Variants in NLGN1 observed in about 807,000 individuals in gnomAD.
NLGN1 encodes neuroligin-1.
Under a neutral mutation model 65.5 loss-of-function variants are expected in NLGN1, and 12 were observed. That is an observed-to-expected ratio of 0.18 (90% confidence interval 0.12 to 0.30). The LOEUF (loss-of-function observed/expected upper bound fraction) is 0.30. NLGN1 is among the 10% of genes least tolerant of loss of function. NLGN1 has a pLI of 1.00. For missense variants in NLGN1, 750 were observed against 1,007.1 expected (o/e 0.74, Z 3.46); for synonymous variants, 350 against 359.5 (o/e 0.97, Z 0.30).
intron 3 of NLGN1, among the ~76,000 whole-genome samples, chr3:173,730,687 C>T (rs1041766844): frequency 6.6e-6 from 1 of 151,912 alleles, no homozygotes; most frequent in Non-Finnish European, 1.5e-5. Context: ...TAATTCATAT[C>T]TTTTTTTCCT....
At chr3:173,877,783 T>C (rs555083549) in intron 4 of NLGN1, among the ~76,000 whole-genome samples, 18 of 152,238 alleles carry the variant, frequency 1.2e-4, no homozygotes, top group Non-Finnish European at 2.6e-4. Context: ...TAGCAGTATG[T>C]ACCAGGCATT....
chr3:174,149,872 A>G (rs547686962), intron 4 of NLGN1, among the ~76,000 whole-genome samples: 3 of 152,238 alleles, frequency 2.0e-5, no homozygotes, highest in African/African-American at 7.2e-5. Flanking sequence ...AAGGAAAACA[A>G]GCTGGATTAA....
intron 4 of NLGN1, among the ~76,000 whole-genome samples, chr3:174,053,569 G>T (rs1471945243): frequency 1.3e-5 from 2 of 151,870 alleles, no homozygotes; most frequent in Non-Finnish European, 2.9e-5. Flanking sequence ...GCTGGTATTT[G>T]GGAAAAGAGC....
At chr3:174,215,578 C>T (rs563674231) in intron 4 of NLGN1, among the ~76,000 whole-genome samples, 62 of 152,184 alleles carry the variant, frequency 4.1e-4, no homozygotes, top group Non-Finnish European at 7.2e-4. Context: ...TTGTTTCAGG[C>T]GGAGAGAAGA....
At chr3:174,012,229 A>AG (rs1438489951) in intron 4 of NLGN1, among the ~76,000 whole-genome samples, 1 of 152,152 alleles carries the variant, frequency 6.6e-6, no homozygotes, top group African/African-American at 2.4e-5. Context: ...CTTACACCCC[A>AG]GTCTCAGGAA....
At chr3:173,918,688 GTGTGTGTGTGTGTGTATATA>G (rs1374039749) in intron 4 of NLGN1, among the ~76,000 whole-genome samples, 25 of 136,090 alleles carry the variant, frequency 1.8e-4, no homozygotes, top group African/African-American at 7.2e-4. Flanking sequence ...GTGTGTGTGT[GTGTGTGTGTGTGTGTATATA>G]TATATATTGC....
chr3:173,410,309 C>G (rs1712254059), intron 1 of NLGN1, among the ~76,000 whole-genome samples: 1 of 152,172 alleles, frequency 6.6e-6, no homozygotes, highest in African/African-American at 2.4e-5. Context: ...TGAGAACCCT[C>G]CATACATAAA....
chr3:174,024,141 TAAAA>T (rs34508881), intron 4 of NLGN1, among the ~76,000 whole-genome samples: 27 of 86,034 alleles, frequency 3.1e-4, no homozygotes, highest in African/African-American at 1.2e-3. Context: ...AGAGTCCTAT[TAAAA>T]AAAAAAAAAA....
In NLGN1 at chr3:174,024,526, C is replaced by G. The variant is rs373319260; in HGVS notation, c.646+216694C>G. Among the ~76,000 whole-genome samples the G allele has an allele frequency of 4.8e-4, 73 of 152,250 alleles. 1 individual carries two copies. The highest frequency in any genetic ancestry group is 1.6e-3 in the African/African-American group (68 of 41,542). On this transcript the variant is annotated intron_variant, in intron 4 of 6. Coordinates refer to ENST00000457714, the Ensembl canonical transcript of NLGN1. Reference sequence around the variant, plus strand: ...ACAGAGTTAAATTTTCTATATCCCACTAAGAAAAATGTTCTTTTTGTACAC... The same window carrying G: ...ACAGAGTTAAATTTTCTATATCCCAGTAAGAAAAATGTTCTTTTTGTACAC...
chr3:174,090,101 T>C (rs888285626), intron 4 of NLGN1, among the ~76,000 whole-genome samples: 1 of 152,170 alleles, frequency 6.6e-6, no homozygotes, highest in Non-Finnish European at 1.5e-5. Flanking sequence ...TTTTTCTGTA[T>C]GTGAACCAGC....
At position 174,102,308 on chromosome 3, in the gene NLGN1, G is replaced by A. The variant is rs189999197; in HGVS notation, c.647-173007G>A. Among the ~76,000 whole-genome samples the A allele has an allele frequency of 7.9e-5, 12 of 151,902 alleles. No homozygotes were observed. In the East Asian group the frequency reaches 2.3e-3, roughly 29 times the overall value. On this transcript the variant is annotated intron_variant, in intron 4 of 6. Coordinates refer to ENST00000457714, the Ensembl canonical transcript of NLGN1. ...TTTTTTTTCCTTTGCTTTTTAATAC[G>A]AAAATTATCTCTTAAAACTAAAGTC...
At chr3:173,415,904 T>TATATATATATATATATAGAG (rs1380777305) in intron 1 of NLGN1, among the ~76,000 whole-genome samples, 1 of 125,440 alleles carries the variant, frequency 8.0e-6, no homozygotes, top group African/African-American at 3.3e-5. Flanking sequence ...TATATATATA[T>TATATATATATATATATAGAG]AGAGAGAGAG....
chr3:173,491,008 G>A (rs1015147080), intron 2 of NLGN1, among the ~76,000 whole-genome samples: 2 of 151,810 alleles, frequency 1.3e-5, no homozygotes, highest in Non-Finnish European at 1.5e-5. Context: ...TGACGATGGG[G>A]TTTTCTAGAT....
chr3:173,962,301 A>G (rs1053872023), intron 4 of NLGN1, among the ~76,000 whole-genome samples: 1 of 152,088 alleles, frequency 6.6e-6, no homozygotes, highest in Non-Finnish European at 1.5e-5. Context: ...TCATATTAGG[A>G]AGAGGTTAAA....
chr3:174,253,047 G>A (rs183429668), intron 4 of NLGN1, among the ~76,000 whole-genome samples: 3 of 152,220 alleles, frequency 2.0e-5, no homozygotes, highest in Admixed American at 1.3e-4. Flanking sequence ...CTAAGAGAAC[G>A]AGGGCTTATT....
At position 173,824,476 on chromosome 3, in the gene NLGN1, A is replaced by G. The variant is rs1036827222; in HGVS notation, c.646+16644A>G. On this transcript the variant is annotated intron_variant, in intron 4 of 6. Coordinates refer to ENST00000457714, the Ensembl canonical transcript of NLGN1. ...TATTGTTGTTTTTAAAAAATTAAAT[A>G]AAGCAATGTGCTTTAAAACAACAAA... Among the ~76,000 whole-genome samples the G allele has an allele frequency of 2.0e-5, 3 of 152,106 alleles. No homozygotes were observed. In the East Asian group the frequency reaches 5.8e-4, roughly 29 times the overall value.
intron 4 of NLGN1, among the ~76,000 whole-genome samples, chr3:173,973,983 A>G (rs1467567705): frequency 6.6e-6 from 1 of 152,108 alleles, no homozygotes; most frequent in East Asian, 1.9e-4. Context: ...AGGATAATTG[A>G]TTGACACTAA....
intron 2 of NLGN1, among the ~76,000 whole-genome samples, chr3:173,513,637 A>G (rs1369342928): frequency 6.6e-6 from 1 of 152,228 alleles, no homozygotes. Context: ...GTAGAAACCA[A>G]AAGTCCTGGT....
chr3:174,118,387 A>C (rs1363708951), intron 4 of NLGN1, among the ~76,000 whole-genome samples: 2 of 152,172 alleles, frequency 1.3e-5, no homozygotes, highest in Non-Finnish European at 2.9e-5. Flanking sequence ...TGGAACACTT[A>C]ATTTGGAATT....
Sources: gnomAD v4.1 joint callset for allele counts (sites outside exome capture counted in the v4.1 genomes callset) on GRCh38, gnomAD v4.1.1 for gene constraint, MANE v1.5 for transcripts, NCBI Gene and HGNC (gene_info 2026-07-23, HGNC 2026-07-21) for gene names.